The following B3GALT1 variants were observed in gnomAD, a reference collection of about 807,000 sequenced individuals.
B3GALT1 encodes UDP-Gal:betaGlcNAc beta 1,3-galactosyltransferase, polypeptide 1.
A neutral mutation model predicts 23.2 loss-of-function variants in B3GALT1; 10 were observed. That is an observed-to-expected ratio of 0.43 (90% CI 0.27 to 0.73). The LOEUF (loss-of-function observed/expected upper bound fraction) is 0.73, where lower values mean the gene tolerates loss of function less well. Ranked by LOEUF, B3GALT1 falls within the 30% of genes least tolerant of loss-of-function variation. B3GALT1 has a pLI of 0.21. For synonymous variants in B3GALT1, 156 were observed against 141.5 expected, an observed-to-expected ratio of 1.10 and a Z score of -0.73; for missense variants, 299 against 405.4, an observed-to-expected ratio of 0.74 and a Z score of 2.25.
intron 1 of B3GALT1, among the ~76,000 whole-genome samples, chr2:167,401,653 GT>G (rs1263140451): frequency 6.6e-6 from 1 of 152,102 alleles, no homozygotes; most frequent in East Asian, 1.9e-4. Context: ...TGTCACTTTT[GT>G]TTGGGATTAG....
At chr2:167,607,929 T>G (rs936321896) in intron 2 of B3GALT1, among the ~76,000 whole-genome samples, 6 of 152,174 alleles carry the variant, frequency 3.9e-5, no homozygotes, top group African/African-American at 1.4e-4. Context: ...AAAGACATGT[T>G]GAGCTTAGTG....
intron 1 of B3GALT1, among the ~76,000 whole-genome samples, chr2:167,378,438 CCTT>C (rs1169469517): frequency 1.3e-5 from 2 of 152,046 alleles, no homozygotes; most frequent in Non-Finnish European, 2.9e-5. Flanking sequence ...TACTTTTTCT[CCTT>C]CTCTCTCAGG....
chr2:167,771,507 G>A (rs6721863), intron 3 of B3GALT1, among the ~76,000 whole-genome samples: 1,540 of 152,290 alleles, frequency 0.01, 21 homozygotes, highest in Middle Eastern at 0.02. Flanking sequence ...GGAGGCAGAG[G>A]TTGCAGTGAG....
intron 1 of B3GALT1, among the ~76,000 whole-genome samples, chr2:167,428,093 T>C (rs1698651229): frequency 1.3e-5 from 2 of 152,282 alleles, no homozygotes; most frequent in South Asian, 2.1e-4. Context: ...CTAAGTGTTA[T>C]CGAGCCACAC....
chr2:167,547,904 T>C (rs1309947897), intron 2 of B3GALT1, among the ~76,000 whole-genome samples: 1 of 152,148 alleles, frequency 6.6e-6, no homozygotes, highest in Admixed American at 6.5e-5. Context: ...TTCCACTGGC[T>C]ATGTGTAAAC....
chr2:167,505,142 T>C (rs1574107746), intron 2 of B3GALT1, among the ~76,000 whole-genome samples: 1 of 152,270 alleles, frequency 6.6e-6, no homozygotes, highest in African/African-American at 2.4e-5. Context: ...AAAGGATGTA[T>C]TGGGAAGATT....
intron 1 of B3GALT1, among the ~76,000 whole-genome samples, chr2:167,457,444 A>T (rs1699189191): frequency 6.6e-6 from 1 of 151,878 alleles, no homozygotes. Context: ...AAGTGCCGGG[A>T]TTATAGACGT....
intron 2 of B3GALT1, chr2:167,631,586 AT>A (rs1395521275): frequency 6.6e-6 from 1 of 151,730 alleles, no homozygotes; most frequent in Non-Finnish European, 1.5e-5. Flanking sequence ...TTCTTAATTA[AT>A]TAATTAAAGT....
chr2:167,312,422 G>A (rs1220504308), intron 1 of B3GALT1, among the ~76,000 whole-genome samples: 1 of 151,990 alleles, frequency 6.6e-6, no homozygotes, highest in Non-Finnish European at 1.5e-5. Flanking sequence ...AAGGATGCAT[G>A]CTGCAATTTT....
chr2:167,481,907 AG>A (rs1699567163), intron 1 of B3GALT1, among the ~76,000 whole-genome samples: 1 of 152,242 alleles, frequency 6.6e-6, no homozygotes, highest in African/African-American at 2.4e-5. Context: ...TTAAAGGCAG[AG>A]TTTAAAATCC....
At chr2:167,324,804 A>G (rs2105495521) in intron 1 of B3GALT1, among the ~76,000 whole-genome samples, 1 of 152,146 alleles carries the variant, frequency 6.6e-6, no homozygotes, top group East Asian at 1.9e-4. Flanking sequence ...ATTAGAACTT[A>G]CATCTTCCGT....
At chr2:167,617,400 C>T (rs1574170588) in intron 2 of B3GALT1, among the ~76,000 whole-genome samples, 1 of 152,138 alleles carries the variant, frequency 6.6e-6, no homozygotes, top group East Asian at 1.9e-4. Context: ...ACATGGTATG[C>T]TTAGAACAAT....
chr2:167,772,827 C>T (rs1688095391), intron 3 of B3GALT1, among the ~76,000 whole-genome samples: 1 of 152,196 alleles, frequency 6.6e-6, no homozygotes, highest in African/African-American at 2.4e-5. Context: ...ATTACTGACA[C>T]CTGTCAAAAG....
Position 167,545,662 on chromosome 2 carries a change from T to C in B3GALT1, c.-410+55385T>C, listed in dbSNP as rs1683624813. Among the ~76,000 whole-genome samples the C allele has an allele frequency of 2.0e-5, 3 of 152,232 alleles. No individual in the cohort carries two copies. In the South Asian group the frequency reaches 6.2e-4, roughly 32 times the overall value. Reference sequence around the variant, plus strand: ...CTCACTTCAGACACCAGCCACAAGTTCAAGGGTCCCCAGGGCACCCTCACT... The same window carrying C: ...CTCACTTCAGACACCAGCCACAAGTCCAAGGGTCCCCAGGGCACCCTCACT... On this transcript the variant is annotated intron_variant, in intron 2 of 4. Transcript: ENST00000392690.
intron 2 of B3GALT1, among the ~76,000 whole-genome samples, chr2:167,530,576 G>A (rs1266564696): frequency 6.6e-6 from 1 of 152,130 alleles, no homozygotes; most frequent in African/African-American, 2.4e-5. Flanking sequence ...GATGTTTGAT[G>A]TTAAAGTGAT....
At chr2:167,866,019 G>A (rs1574309409) in intron 4 of B3GALT1, among the ~76,000 whole-genome samples, 1 of 151,500 alleles carries the variant, frequency 6.6e-6, no homozygotes, top group Non-Finnish European at 1.5e-5. Context: ...TACTCAACTA[G>A]TCCTGGTACA....
chr2:167,647,640 A>G (rs973923642), intron 3 of B3GALT1, among the ~76,000 whole-genome samples: 3 of 152,164 alleles, frequency 2.0e-5, no homozygotes, highest in Non-Finnish European at 4.4e-5. Context: ...TCTTCCCTAA[A>G]GGAAATCATT....
At position 167,502,232 on chromosome 2, in the gene B3GALT1, CA is replaced by C. The variant is rs1279553718; in HGVS notation, c.-410+11958del. On this transcript the variant is annotated intron_variant, in intron 2 of 4. Coordinates refer to ENST00000392690, the MANE Select transcript of B3GALT1 (RefSeq NM_020981.4). ...AAAGAAAAGAACAAGGTAAGATGAG[CA>C]AATATAACAGAATGCCTTTTGACTA... 8.5e-5 allele frequency among the ~76,000 whole-genome samples: 13 copies of C among 152,176 alleles called. No individual in the cohort carries two copies. The East Asian group carries it at 2.5e-3, about 29-fold the overall frequency.
rs116397287 is a variant in B3GALT1, at chr2:167,486,025, C to G, written c.-510-4152C>G. Among the ~76,000 whole-genome samples, 1,246 of 152,222 alleles carry G rather than the reference C, an allele frequency of 8.2e-3. 22 individuals are homozygous for G. Among genetic ancestry groups the G allele is most frequent in the African/African-American group, 0.029 (1,199 of 41,524 alleles). On this transcript the variant is annotated intron_variant, in intron 1 of 4. Coordinates refer to ENST00000392690, the MANE Select transcript of B3GALT1 (RefSeq NM_020981.4). ...AGAATTCTGTACCACAATTATGTATCTAATGGATTGAAATTTGAGAAAGTC... is the reference window on the plus strand; with the variant it reads ...AGAATTCTGTACCACAATTATGTATGTAATGGATTGAAATTTGAGAAAGTC...
Sources: allele counts gnomAD v4.1 joint callset (sites outside exome capture counted in the v4.1 genomes callset), GRCh38; gene constraint gnomAD v4.1.1; transcripts MANE v1.5; gene names NCBI Gene and HGNC (gene_info 2026-07-23, HGNC 2026-07-21).